The following ATXN10 variants were observed in gnomAD, a reference collection of about 807,000 sequenced individuals.
The protein encoded by ATXN10 is ataxin 10, also known as ataxin-10.
In ATXN10, 28 loss-of-function variants were observed where a neutral mutation model predicts 52.9. The ratio of observed to expected loss-of-function variants is 0.53; its 90% CI spans 0.39 to 0.73. ATXN10 has a LOEUF of 0.73. Among genes scored for constraint, ATXN10 ranks in the 30% least tolerant of loss-of-function variants. The probability of loss-of-function intolerance (pLI) is 0.00; values close to 1 mark genes in which losing one functional copy is unlikely to be tolerated. For synonymous variants in ATXN10, 226 were observed against 221.5 expected, an observed-to-expected ratio of 1.02 and a Z score of -0.18; for missense variants, 565 against 577.0, an observed-to-expected ratio of 0.98 and a Z score of 0.21.
chr22:45,746,247 G>A (rs1326864189), intron 9 of ATXN10, among the ~76,000 whole-genome samples: 1 of 149,864 alleles, frequency 6.7e-6, no homozygotes, highest in Non-Finnish European at 1.5e-5. Flanking sequence ...TTTTTGGTGG[G>A]GTGTACTATT....
At position 45,705,725 on chromosome 22, in the gene ATXN10, C is replaced by T. The variant is rs973473368; in HGVS notation, c.647+2878C>T. Among the ~76,000 whole-genome samples, 17 of 152,236 alleles carry T rather than the reference C, an allele frequency of 1.1e-4. No homozygotes were observed. Among genetic ancestry groups the T allele is most frequent in the Admixed American group, 7.2e-4 (11 of 15,298 alleles). The stretch of plus-strand genomic sequence containing the variant: ...CTGGGATTACAGGCGTGAGCCACCG[C>T]GCCCGGCCTCCACTTGTTACGGGTC... On this transcript the variant is annotated intron_variant, in intron 5 of 11. Transcript: ENST00000252934. The surrounding 1 kb of genome is among the most constrained non-coding windows in gnomAD (Gnocchi z 5.2).
In ATXN10 at chr22:45,681,704, C is replaced by T. The variant is rs1922929510; in HGVS notation, c.117-8008C>T. ...CATACAGCCGTGCAGACTGCTCTCA[C>T]TTTAACTTGCTGATCACTAACTAAC... On this transcript the variant is annotated intron_variant, in intron 1 of 11. Transcript: ENST00000252934. The surrounding 1 kb of genome is among the most constrained non-coding windows in gnomAD (Gnocchi z 4.2). Among the ~76,000 whole-genome samples the T allele has an allele frequency of 6.6e-6, 1 of 152,214 alleles. No individual in the cohort carries two copies. Among genetic ancestry groups the T allele is most frequent in the South Asian group, 2.1e-4 (1 of 4,826 alleles).
chr22:45,725,968 A>G (rs1012838216), intron 6 of ATXN10, among the ~76,000 whole-genome samples: 1 of 152,058 alleles, frequency 6.6e-6, no homozygotes, highest in Admixed American at 6.6e-5. Context: ...TTACTTGGGT[A>G]TGTTGAACCA....
chr22:45,707,651 A>G (rs937089428), intron 5 of ATXN10, among the ~76,000 whole-genome samples: 8 of 144,010 alleles, frequency 5.6e-5, no homozygotes, highest in African/African-American at 1.4e-4. Flanking sequence ...ATATAATATG[A>G]TATAATATAA....
rs148514724 is a variant in ATXN10, at chr22:45,726,408, G to T, written c.729-3017G>T. On this transcript the variant is annotated intron_variant, in intron 6 of 11. Coordinates refer to ENST00000252934, the MANE Select transcript of ATXN10 (RefSeq NM_013236.4). The stretch of plus-strand genomic sequence containing the variant: ...GCTAGGAGGGTTGTACGTTTCCAGA[G>T]ATTTGTTCATTTCCTCTAAATTTTC... Among the ~76,000 whole-genome samples the T allele has an allele frequency of 2.6e-3, 398 of 152,232 alleles. 2 individuals carry two copies. The highest frequency in any genetic ancestry group is 0.01 in the Middle Eastern group (3 of 294).
rs866099212 is a variant in ATXN10, at chr22:45,766,857, T to C, written c.1173+26319T>C. Among the ~76,000 whole-genome samples, 1 of 152,096 alleles carries C rather than the reference T, an allele frequency of 6.6e-6. No individual in the cohort carries two copies. Among genetic ancestry groups the C allele is most frequent in the Non-Finnish European group, 1.5e-5 (1 of 68,002 alleles). On this transcript the variant is annotated intron_variant, in intron 9 of 11. Coordinates refer to ENST00000252934, the MANE Select transcript of ATXN10 (RefSeq NM_013236.4). This position sits in a 1 kb window ranked among gnomAD's most constrained non-coding sequence, Gnocchi z 4.6. ...CCTACAGAAAAATGGATAAAAGATA[T>C]GAATAGACAGTTTACAGAAAAACGC...
Position 45,716,124 on chromosome 22 carries a change from G to A in ATXN10, c.648-2289G>A, listed in dbSNP as rs527874528. 1.4e-4 allele frequency among the ~76,000 whole-genome samples: 22 copies of A among 152,136 alleles called. No homozygotes were observed. In the South Asian group the frequency reaches 1.9e-3, roughly 13 times the overall value. ...AAAAAATAAAAATAAAAAAAGCTGC[G>A]TATGGTGGCACATGCGTGTAGTTCT... On this transcript the variant is annotated intron_variant, in intron 5 of 11. Transcript: ENST00000252934.
intron 1 of ATXN10, among the ~76,000 whole-genome samples, chr22:45,686,018 T>C (rs1452754508): frequency 1.3e-5 from 2 of 152,256 alleles, no homozygotes; most frequent in Non-Finnish European, 2.9e-5. Context: ...ATAAAATATC[T>C]ATATGATATT....
At chr22:45,794,301 A>AT (rs57684575) in intron 9 of ATXN10, among the ~76,000 whole-genome samples, 7 of 151,798 alleles carry the variant, frequency 4.6e-5, no homozygotes, top group Non-Finnish European at 1.0e-4. Context: ...CAAGCCTTTG[A>AT]TTTTTTTCTG....
intron 5 of ATXN10, among the ~76,000 whole-genome samples, chr22:45,706,110 G>C (rs1569030196): frequency 6.6e-6 from 1 of 152,146 alleles, no homozygotes; most frequent in Non-Finnish European, 1.5e-5. Context: ...CCCCACCCCT[G>C]TCTATGGAAA....
chr22:45,784,956 G>A lies in ATXN10; in HGVS notation c.1174-22003G>A, dbSNP rs932712413. Among the ~76,000 whole-genome samples, 6 of 152,196 alleles carry A rather than the reference G, an allele frequency of 3.9e-5. No individual in the cohort carries two copies. Among genetic ancestry groups the A allele is most frequent in the Non-Finnish European group, 8.8e-5 (6 of 68,030 alleles). Reference sequence around the variant, plus strand: ...ACAGAATTCTGTTTGTTCAGGCACTGAAGTATGACATTGTAGATGATGCAT... The same window carrying A: ...ACAGAATTCTGTTTGTTCAGGCACTAAAGTATGACATTGTAGATGATGCAT... On this transcript the variant is annotated intron_variant, in intron 9 of 11. Coordinates refer to ENST00000252934, the MANE Select transcript of ATXN10 (RefSeq NM_013236.4). This position sits in a 1 kb window ranked among gnomAD's most constrained non-coding sequence, Gnocchi z 4.2.
At chr22:45,764,282 C>G (rs1205389943) in intron 9 of ATXN10, among the ~76,000 whole-genome samples, 1 of 151,878 alleles carries the variant, frequency 6.6e-6, no homozygotes, top group East Asian at 1.9e-4. Context: ...GCCCCAGGCC[C>G]AGACCTCTCA....
chr22:45,794,943 C>G (rs896349388), intron 9 of ATXN10, among the ~76,000 whole-genome samples: 3 of 152,184 alleles, frequency 2.0e-5, no homozygotes, highest in Non-Finnish European at 4.4e-5. Flanking sequence ...GTAATTGGCT[C>G]TTTAAAGTAA....
intron 9 of ATXN10, among the ~76,000 whole-genome samples, chr22:45,768,852 C>T (rs563066505): frequency 1.1e-4 from 17 of 152,318 alleles, no homozygotes; most frequent in African/African-American, 3.1e-4. Flanking sequence ...GATATTTGAA[C>T]GTGGACTGGC....
chr22:45,704,294 CA>C (rs766523543), intron 5 of ATXN10, among the ~76,000 whole-genome samples: 3 of 148,780 alleles, frequency 2.0e-5, no homozygotes, highest in African/African-American at 5.0e-5. Flanking sequence ...ATTTTAGGAT[CA>C]ACTTTTCAAT....
intron 9 of ATXN10, among the ~76,000 whole-genome samples, chr22:45,748,277 G>T (rs1276213138): frequency 2.0e-5 from 3 of 151,916 alleles, no homozygotes; most frequent in Non-Finnish European, 4.4e-5. Flanking sequence ...CTTTGGAATT[G>T]AAAAGATCTA....
chr22:45,834,383 C>T lies in ATXN10; in HGVS notation c.1238-8608C>T, dbSNP rs188464082. ...TCCATTGACTCCCATTCATAAATCCCCTATCGTTAGGACCTCCCCTGCCAC... is the reference window on the plus strand; with the variant it reads ...TCCATTGACTCCCATTCATAAATCCTCTATCGTTAGGACCTCCCCTGCCAC... On this transcript the variant is annotated intron_variant, in intron 10 of 11. Coordinates refer to ENST00000252934, the MANE Select transcript of ATXN10 (RefSeq NM_013236.4). 1.5e-3 allele frequency among the ~76,000 whole-genome samples: 225 copies of T among 152,282 alleles called. 2 individuals are homozygous for T. Among genetic ancestry groups the T allele is most frequent in the Admixed American group, 3.1e-3 (47 of 15,300 alleles).
At chr22:45,836,145 G>C (rs1383484650) in intron 10 of ATXN10, among the ~76,000 whole-genome samples, 1 of 152,180 alleles carries the variant, frequency 6.6e-6, no homozygotes, top group Non-Finnish European at 1.5e-5. Context: ...GTCATGCAGG[G>C]AGACCCTGTG....
intron 1 of ATXN10, 166 bp downstream of exon 1, chr22:45,672,345 C>A: frequency 1.4e-6 from 1 of 718,692 alleles, no homozygotes; most frequent in Non-Finnish European, 1.8e-6. Flanking sequence ...CTCCCAGGCA[C>A]CGCCTCGTGC....
Sources: gnomAD v4.1 joint callset for allele counts (sites outside exome capture counted in the v4.1 genomes callset) on GRCh38, gnomAD v4.1.1 for gene constraint, Gnocchi (gnomAD v3.1) non-coding constraint, MANE v1.5 for transcripts, NCBI Gene and HGNC (gene_info 2026-07-23, HGNC 2026-07-21) for gene names.